Variants in MX2 observed in about 807,000 individuals in gnomAD.
The protein encoded by MX2 is interferon-induced GTP-binding protein Mx2.
A neutral mutation model predicts 74.0 loss-of-function variants in MX2; 51 were observed. The ratio of observed to expected loss-of-function variants is 0.69; its 90% confidence interval spans 0.55 to 0.87. The LOEUF (loss-of-function observed/expected upper bound fraction) is 0.87. Ranked by LOEUF, MX2 falls within the 40% of genes least tolerant of loss-of-function variation. MX2 has a pLI of 0.00. For missense variants in MX2, 832 were observed against 908.7 expected (o/e 0.92, Z 1.09); for synonymous variants, 369 against 339.3 (o/e 1.09, Z -0.96).
intron 5 of MX2, among the ~76,000 whole-genome samples, chr21:41,387,846 G>T (rs961877941): frequency 2.0e-5 from 3 of 152,104 alleles, no homozygotes; most frequent in Non-Finnish European, 4.4e-5. Flanking sequence ...CCCAGTATCT[G>T]CTGGCCCCAT....
intron 5 of MX2, among the ~76,000 whole-genome samples, chr21:41,386,306 A>G (rs765126862): frequency 6.7e-6 from 1 of 149,800 alleles, no homozygotes; most frequent in Non-Finnish European, 1.5e-5. Context: ...GCCCGTGCAC[A>G]CTCTCTCCAC....
Position 41,368,722 on chromosome 21 carries a change from G to A in MX2, c.-72+6667G>A, listed in dbSNP as rs557326845. ...TGAAGAATATTGGGCTTCACAAAAGGAACCCTCCTTTCCCTTGTTCTTTCT... is the reference window on the plus strand; with the variant it reads ...TGAAGAATATTGGGCTTCACAAAAGAAACCCTCCTTTCCCTTGTTCTTTCT... On this transcript the variant is annotated intron_variant, in intron 1 of 13. Transcript: ENST00000330714. This position sits in a 1 kb window ranked among gnomAD's most constrained non-coding sequence, Gnocchi z 4.6. Among the ~76,000 whole-genome samples, 84 of 152,324 alleles carry A rather than the reference G, an allele frequency of 5.5e-4. 1 individual carries two copies. The highest frequency in any genetic ancestry group is 3.4e-3 in the Middle Eastern group (1 of 294).
At position 41,388,437 on chromosome 21, in the gene MX2, T is replaced by C. The variant is rs2089611330; in HGVS notation, c.733-2128T>C. On this transcript the variant is annotated intron_variant, in intron 5 of 13. Transcript: ENST00000330714. The surrounding 1 kb of genome is among the most constrained non-coding windows in gnomAD (Gnocchi z 4.0). ...GCATGGCTCTCCGCAGAGGGCATCC[T>C]TCATTCCTCGCGGGTTTCTGCTGCA... Among the ~76,000 whole-genome samples, 1 of 152,224 alleles carries C rather than the reference T, an allele frequency of 6.6e-6. No homozygotes were observed. The highest frequency in any genetic ancestry group is 2.4e-5 in the African/African-American group (1 of 41,454).
In MX2 at chr21:41,376,749, G is replaced by A; in HGVS notation, c.-71-87G>A. 5.2e-6 allele frequency: 5 copies of A among 964,458 alleles called. No individual in the cohort carries two copies. In the Admixed American group the frequency reaches 1.1e-4, roughly 21 times the overall value. The allele number at this position is 964,458 out of a possible 1,614,324, so 59.7% of individuals were successfully genotyped here. A position where few individuals can be genotyped will look rare whatever the true frequency, so the allele number is the denominator to read the frequency against. ...CTGTGTGTAGGGGGTAGGTTGTAGG[G>A]TGGGGTGAGGAGGGGTTGGCAAAAG... is the stretch of plus-strand genomic sequence containing the variant. On this transcript the variant is annotated intron_variant, in intron 1 of 13. Transcript: ENST00000330714.
intron 6 of MX2, among the ~76,000 whole-genome samples, chr21:41,393,127 A>AAAAAAAAG (rs1568944000): frequency 1.5e-4 from 22 of 141,968 alleles, no homozygotes; most frequent in African/African-American, 4.7e-4. Flanking sequence ...AAAAAAAAAA[A>AAAAAAAAG]AAAAGAAAGA....
chr21:41,394,880 G>A (rs1488349880), intron 6 of MX2, among the ~76,000 whole-genome samples: 1 of 151,628 alleles, frequency 6.6e-6, no homozygotes, highest in Admixed American at 6.6e-5. Flanking sequence ...GGCGGAGGTT[G>A]AAGTGAGCCA....
At chr21:41,404,113 C>T (rs1422154828) in intron 12 of MX2, 1 of 162,798 alleles carries the variant, frequency 6.1e-6, no homozygotes, top group Non-Finnish European at 1.3e-5. Flanking sequence ...CCTGCCCAGC[C>T]CCGCCGGGAC....
In MX2 at chr21:41,380,063, C is replaced by G; in HGVS notation, c.489C>G (p.Pro163=). 6.2e-7 allele frequency: 1 copy of G among 1,614,018 alleles called. No homozygotes were observed. Among genetic ancestry groups the G allele is most frequent in the Non-Finnish European group, 8.5e-7 (1 of 1,179,922 alleles). ...CPLVLKLKKQ[P]CEAWAGRISY... Reference sequence around the variant, plus strand: ...TGGTGCTGAAACTGAAAAAGCAGCCCTGTGAGGCATGGGCCGGAAGGATCA... The same window carrying G: ...TGGTGCTGAAACTGAAAAAGCAGCCGTGTGAGGCATGGGCCGGAAGGATCA... Residue 163 remains proline, a synonymous_variant, in exon 4 of 14, where the codon CCC becomes CCG. Transcript: ENST00000330714. The surrounding 1 kb of genome is among the most constrained non-coding windows in gnomAD (Gnocchi z 4.3).
At chr21:41,384,202 A>T (rs761050847) in intron 5 of MX2, among the ~76,000 whole-genome samples, 11 of 152,166 alleles carry the variant, frequency 7.2e-5, no homozygotes, top group Non-Finnish European at 1.2e-4. Context: ...CTTCCTGTTA[A>T]GCCCGTGGAA....
chr21:41,405,146 C>T (rs2089868618), intron 12 of MX2, among the ~76,000 whole-genome samples: 1 of 151,768 alleles, frequency 6.6e-6, no homozygotes, highest in African/African-American at 2.4e-5. Context: ...CTTGTCTCTA[C>T]TAAAAATACA....
At chr21:41,367,211 A>T (rs1334489859) in intron 1 of MX2, 2 of 152,200 alleles carry the variant, frequency 1.3e-5, no homozygotes, top group Non-Finnish European at 2.9e-5. Context: ...TCTGCAAGGT[A>T]ATTTGTTGTG....
chr21:41,396,849 T>C (rs535595532), intron 7 of MX2, among the ~76,000 whole-genome samples: 1 of 152,308 alleles, frequency 6.6e-6, no homozygotes, highest in South Asian at 2.1e-4. Flanking sequence ...GCAGACTCTC[T>C]GGAGAGTTCC....
At position 41,366,669 on chromosome 21, in the gene MX2, G is replaced by A. The variant is rs1439037747; in HGVS notation, c.-72+4614G>A. The A allele has an allele frequency of 2.0e-5, 3 of 152,262 alleles. No homozygotes were observed. The highest frequency in any genetic ancestry group is 2.9e-5 in the Non-Finnish European group (2 of 68,110). 9.4% of individuals were successfully genotyped at this position (152,262 alleles called of 1,614,324 possible). Reference sequence around the variant, plus strand: ...GAGAGCCTCAGTGATCCCTGCACAAGACCAGCCGTCTTCCTCCGCCCCATA... The same window carrying A: ...GAGAGCCTCAGTGATCCCTGCACAAAACCAGCCGTCTTCCTCCGCCCCATA... On this transcript the variant is annotated intron_variant, in intron 1 of 13. Transcript: ENST00000330714. The surrounding 1 kb of genome is among the most constrained non-coding windows in gnomAD (Gnocchi z 4.5).
chr21:41,407,998 G>C lies in MX2; in HGVS notation c.1913G>C (p.Ser638Thr), dbSNP rs2089908722. ...IHLNAYFLET[S>T]KRLANQIPFI... ...TCTTTCTCCCTCTTCCAGGAAACCA[G>C]CAAACGTCTCGCCAACCAGATCCCA... The change falls in exon 14 of 14, where the codon AGC becomes ACC. Residue 638 changes from serine to threonine, a missense_variant. Physicochemically the swap from Ser to Thr is moderately conservative, Grantham distance 58 (BLOSUM62 1). Coordinates refer to ENST00000330714, the MANE Select transcript of MX2 (RefSeq NM_002463.2). 6.2e-7 allele frequency: 1 copy of C among 1,614,022 alleles called. No homozygotes were observed. The highest frequency in any genetic ancestry group is 8.5e-7 in the Non-Finnish European group (1 of 1,180,026).
Position 41,382,456 on chromosome 21 carries a change from C to T in MX2, c.624C>T (p.Leu208=). The T allele has an allele frequency of 6.2e-7, 1 of 1,614,186 alleles. No homozygotes were observed. The highest frequency in any genetic ancestry group is 1.1e-5 in the South Asian group (1 of 91,086). The change falls in exon 5 of 14, where the codon CTC becomes CTT. Residue 208 remains leucine, a synonymous_variant. Transcript: ENST00000330714. ...ATGGCCGGGGCATCAGCCATGAGCTCATCAGCCTGGAGATCACCTCCCCTG... is the reference window on the plus strand; with the variant it reads ...ATGGCCGGGGCATCAGCCATGAGCTTATCAGCCTGGAGATCACCTCCCCTG... The part of the protein sequence containing the change: ...AGNGRGISHE[L]ISLEITSPEV...
intron 9 of MX2, 39 bp from the exon 10 acceptor site, chr21:41,399,157 T>C: frequency 2.5e-6 from 4 of 1,606,864 alleles, no homozygotes; most frequent in Non-Finnish European, 3.4e-6. Flanking sequence ...TTCTTTCATA[T>C]GATTTCCGCA....
rs2089471771 is a variant in MX2 at position 41,380,327 on chromosome 21, C to T, written c.577+176C>T. The stretch of plus-strand genomic sequence containing the variant: ...TCCACCATCCCTCCAGGTCCTTGTC[C>T]AGGTCCCCTCTCATCGAGTCATCCC... On this transcript the variant is annotated intron_variant, in intron 4 of 13. Coordinates refer to ENST00000330714, the MANE Select transcript of MX2 (RefSeq NM_002463.2). The surrounding 1 kb of genome is among the most constrained non-coding windows in gnomAD (Gnocchi z 4.3). Among the ~76,000 whole-genome samples, 1 of 152,134 alleles carries T rather than the reference C, an allele frequency of 6.6e-6. No individual in the cohort carries two copies. Among genetic ancestry groups the T allele is most frequent in the Non-Finnish European group, 1.5e-5 (1 of 68,020 alleles).
At chr21:41,404,875 AAAAAAAAAAAAAAAAAG>A (rs941462400) in intron 12 of MX2, 5 of 108,378 alleles carry the variant, frequency 4.6e-5, no homozygotes, top group African/African-American at 2.4e-4. Flanking sequence ...CATATACTCA[AAAAAAAAAAAAAAAAAG>A]AAAAAGAAAA....
intron 10 of MX2, chr21:41,399,748 G>A (rs1209191516): frequency 1.2e-5 from 2 of 160,536 alleles, no homozygotes; most frequent in Admixed American, 1.2e-4. Flanking sequence ...GTACTTTTTT[G>A]TAGAGATAGG....
Sources: gnomAD v4.1 joint callset for allele counts (sites outside exome capture counted in the v4.1 genomes callset) on GRCh38, gnomAD v4.1.1 for gene constraint, Gnocchi (gnomAD v3.1) non-coding constraint, MANE v1.5 for transcripts, NCBI Gene and HGNC (gene_info 2026-07-23, HGNC 2026-07-21) for gene names.